The following RIMS2 variants were observed in gnomAD, a reference collection of about 807,000 sequenced individuals.
The protein encoded by RIMS2 is regulating synaptic membrane exocytosis 2.
Under a neutral mutation model 174.4 loss-of-function variants are expected in RIMS2, and 59 were observed. The ratio of observed to expected loss-of-function variants is 0.34; its 90% CI spans 0.27 to 0.42. The LOEUF (loss-of-function observed/expected upper bound fraction) is 0.42, where lower values mean the gene tolerates loss of function less well. Among genes scored for constraint, RIMS2 ranks in the 10% least tolerant of loss-of-function variants. RIMS2 has a pLI of 1.00. For synonymous variants in RIMS2, 606 were observed against 572.5 expected, an observed-to-expected ratio of 1.06 and a Z score of -0.84; for missense variants, 1,620 against 1,666.3, an observed-to-expected ratio of 0.97 and a Z score of 0.48.
At chr8:103,647,363 C>T (rs1286611256) in intron 1 of RIMS2, among the ~76,000 whole-genome samples, 1 of 152,044 alleles carries the variant, frequency 6.6e-6, no homozygotes, top group Non-Finnish European at 1.5e-5. Flanking sequence ...TGATGTTCAT[C>T]AAGGACATTG....
chr8:104,031,145 ATC>A (rs960954275), intron 19 of RIMS2, among the ~76,000 whole-genome samples: 1 of 152,150 alleles, frequency 6.6e-6, no homozygotes, highest in African/African-American at 2.4e-5. Context: ...TCAAAATAAT[ATC>A]TCATAGCATA....
intron 19 of RIMS2, among the ~76,000 whole-genome samples, chr8:104,185,548 A>C (rs1005414490): frequency 2.6e-5 from 4 of 151,696 alleles, no homozygotes; most frequent in African/African-American, 9.7e-5. Context: ...TTTGTCATTA[A>C]AACTTCAAAC....
At chr8:103,714,565 G>A (rs1015525326) in intron 2 of RIMS2, among the ~76,000 whole-genome samples, 1 of 152,126 alleles carries the variant, frequency 6.6e-6, no homozygotes, top group African/African-American at 2.4e-5. Context: ...TCTAAAGAAG[G>A]ATTCTGAGGG....
chr8:103,719,044 T>G (rs1255076713), intron 2 of RIMS2, among the ~76,000 whole-genome samples: 3 of 152,142 alleles, frequency 2.0e-5, no homozygotes, highest in African/African-American at 4.8e-5. Flanking sequence ...TAACTGGGAA[T>G]GGCTGTGTGA....
chr8:103,861,833 T>C (rs1000104988), intron 3 of RIMS2, among the ~76,000 whole-genome samples: 4 of 152,106 alleles, frequency 2.6e-5, no homozygotes, highest in Non-Finnish European at 5.9e-5. Context: ...GGGTAGTTTG[T>C]TTTTCTCTAG....
intron 3 of RIMS2, among the ~76,000 whole-genome samples, chr8:103,845,945 A>G (rs2098965718): frequency 6.6e-6 from 1 of 152,196 alleles, no homozygotes; most frequent in Admixed American, 6.6e-5. Context: ...ATTCTTGAAG[A>G]ACGTAATACT....
At chr8:103,609,365 G>A (rs2095283354) in intron 1 of RIMS2, among the ~76,000 whole-genome samples, 1 of 152,104 alleles carries the variant, frequency 6.6e-6, no homozygotes, top group Non-Finnish European at 1.5e-5. Flanking sequence ...GTTTAATTAA[G>A]TTCTATTTGC....
At chr8:103,867,101 TTTAC>T (rs1311149518) in intron 3 of RIMS2, among the ~76,000 whole-genome samples, 1 of 151,878 alleles carries the variant, frequency 6.6e-6, no homozygotes, top group Non-Finnish European at 1.5e-5. Flanking sequence ...AAAATAAGTT[TTTAC>T]TTAACTAAAC....
At chr8:103,610,113 C>G (rs965933083) in intron 1 of RIMS2, among the ~76,000 whole-genome samples, 5 of 152,064 alleles carry the variant, frequency 3.3e-5, no homozygotes, top group African/African-American at 1.2e-4. Flanking sequence ...GAACTGCATT[C>G]TTAATTTGGC....
chr8:104,034,527 A>G (rs2096472225), intron 19 of RIMS2, among the ~76,000 whole-genome samples: 2 of 146,586 alleles, frequency 1.4e-5, no homozygotes, highest in East Asian at 2.0e-4. Flanking sequence ...CTGGAGTGCA[A>G]TGGGGTGATC....
intron 2 of RIMS2, among the ~76,000 whole-genome samples, chr8:103,764,444 G>C (rs116150579): frequency 0.014 from 2,080 of 152,204 alleles, 46 homozygotes; most frequent in African/African-American, 0.044. Context: ...TGTTTTGCGT[G>C]ACTTTTTAAA....
chr8:103,952,981 A>G (rs1414011254), intron 14 of RIMS2, among the ~76,000 whole-genome samples: 1 of 152,202 alleles, frequency 6.6e-6, no homozygotes, highest in East Asian at 1.9e-4. Context: ...GAGTATGATT[A>G]GCTGAATTTA....
At chr8:103,805,106 AGTGT>A (rs1036608887) in intron 3 of RIMS2, among the ~76,000 whole-genome samples, 5 of 152,070 alleles carry the variant, frequency 3.3e-5, no homozygotes, top group Admixed American at 6.6e-5. Flanking sequence ...TTTAAAAAAA[AGTGT>A]GTGTATCTAT....
intron 3 of RIMS2, among the ~76,000 whole-genome samples, chr8:103,865,116 A>C (rs1328961057): frequency 6.6e-6 from 1 of 151,940 alleles, no homozygotes; most frequent in Non-Finnish European, 1.5e-5. Context: ...GGAGATGTTT[A>C]TATGAGGTTT....
At chr8:103,562,313 A>T (rs1031296164) in intron 1 of RIMS2, among the ~76,000 whole-genome samples, 1 of 152,232 alleles carries the variant, frequency 6.6e-6, no homozygotes, top group African/African-American at 2.4e-5. Context: ...TACTTCCTAG[A>T]TACAGTGGGA....
chr8:103,920,915 C>G (rs1010033768), intron 9 of RIMS2: 6 of 320,078 alleles, frequency 1.9e-5, no homozygotes, highest in East Asian at 1.0e-4. Context: ...AGGAGAATGG[C>G]GTGAACCCGG....
chr8:103,946,627 A>G (rs2083861684), intron 14 of RIMS2, among the ~76,000 whole-genome samples: 1 of 152,230 alleles, frequency 6.6e-6, no homozygotes, highest in South Asian at 2.1e-4. Context: ...ATATAAATAA[A>G]TGGAGATGTA....
chr8:103,932,453 C>T (rs1171641716), intron 12 of RIMS2, among the ~76,000 whole-genome samples: 1 of 152,158 alleles, frequency 6.6e-6, no homozygotes, highest in Non-Finnish European at 1.5e-5. Flanking sequence ...GATGCCACAA[C>T]ATCAAAAGTT....
intron 3 of RIMS2, among the ~76,000 whole-genome samples, chr8:103,876,865 TATATATATATATA>T: frequency 5.1e-5 from 1 of 19,548 alleles, no homozygotes; most frequent in Admixed American, 6.8e-4. Flanking sequence ...CACACTATTT[TATATATATATATA>T]TATATATATA....
Sources: allele counts gnomAD v4.1 joint callset (sites outside exome capture counted in the v4.1 genomes callset), GRCh38; gene constraint gnomAD v4.1.1; transcripts MANE v1.5; gene names NCBI Gene and HGNC (gene_info 2026-07-23, HGNC 2026-07-21).